The following DOCK7 variants were observed in gnomAD, a reference collection of about 807,000 sequenced individuals.
DOCK7 encodes the protein dedicator of cytokinesis protein 7.
In DOCK7, 138 loss-of-function variants were observed where a neutral mutation model predicts 271.0. The ratio of observed to expected loss-of-function variants is 0.51; its 90% CI spans 0.44 to 0.59. The LOEUF is 0.59. DOCK7 is among the 20% of genes least tolerant of loss of function. The pLI is 0.00. For missense variants in DOCK7, 2,066 were observed against 2,592.4 expected (o/e 0.80, Z 4.41); for synonymous variants, 823 against 876.1 (o/e 0.94, Z 1.07).
intron 2 of DOCK7, among the ~76,000 whole-genome samples, chr1:62,662,298 G>A (rs763417012): frequency 1.3e-5 from 2 of 151,998 alleles, no homozygotes; most frequent in Non-Finnish European, 2.9e-5. Flanking sequence ...TCTTTAATAA[G>A]AGAACATTTA....
intron 1 of DOCK7, among the ~76,000 whole-genome samples, chr1:62,680,491 G>A (rs1422580168): frequency 6.6e-6 from 1 of 151,474 alleles, no homozygotes; most frequent in Non-Finnish European, 1.5e-5. Context: ...AGGACTTCAT[G>A]TCTAAAACAC....
rs777176947 is a variant in DOCK7 at position 62,542,592 on chromosome 1, C to A, written c.3045+16G>T. ...AAGAGAAAAAATATTAAAGAACATG[C>A]TCAGTTTTTGCTCACCATTAATTCA... is the stretch of plus-strand genomic sequence containing the variant. On this transcript the variant is annotated intron_variant, in intron 25 of 49. Coordinates refer to ENST00000635253, the MANE Select transcript of DOCK7 (RefSeq NM_001367561.1). The A allele has an allele frequency of 1.3e-6, 2 of 1,597,528 alleles. No individual in the cohort carries two copies. The highest frequency in any genetic ancestry group is 3.5e-5 in the Admixed American group (2 of 56,862).
Position 62,688,250 on chromosome 1 carries a change from G to A in DOCK7, c.15C>T (p.Arg5=), listed in dbSNP as rs1209254800. 1.5e-6 allele frequency: 2 copies of A among 1,364,406 alleles called. No homozygotes were observed. 84.5% of individuals were successfully genotyped at this position (1,364,406 alleles called of 1,614,324 possible). A position where few individuals can be genotyped will look rare whatever the true frequency, so the allele number is the denominator to read the frequency against. The change falls in exon 1 of 50, where the codon CGC becomes CGT. Residue 5 remains arginine (R), a synonymous_variant. Coordinates refer to ENST00000635253, the MANE Select transcript of DOCK7 (RefSeq NM_001367561.1). The part of the protein sequence containing the change: MAER[R]AFAQKISRTV... Reference sequence around the variant, plus strand: ...ACCTGCTGATCTTCTGGGCGAAGGCGCGGCGCTCGGCCATGGCTGCTGCGG... The same window carrying A: ...ACCTGCTGATCTTCTGGGCGAAGGCACGGCGCTCGGCCATGGCTGCTGCGG...
rs754457072 is a variant in DOCK7, at chr1:62,475,742, T to C, written c.5926A>G (p.Ile1976Val). 6 of 1,614,028 alleles carry C rather than the reference T, an allele frequency of 3.7e-6. No individual in the cohort carries two copies. In the Admixed American group the frequency reaches 5.0e-5, roughly 13 times the overall value. The change falls in exon 46 of 50, where the codon ATT (isoleucine) becomes GTT (valine). Residue 1976 changes from isoleucine to valine, a missense_variant. This residue lies in a region of DOCK7 where 652 missense variants were observed against 922.1 expected (regional missense o/e 0.71). Transcript: ENST00000635253. Reference protein sequence around the residue: ...ILTTSHAFPYIKTRVNVTHKE... With the variant: ...ILTTSHAFPYVKTRVNVTHKE... ...TGAGTGACATTGACCCTTGTTTTAA[T>C]ATAAGGAAAGGCATGAGACGTAGTC...
intron 40 of DOCK7, 55 bp downstream of exon 40, chr1:62,494,220 G>C: frequency 6.9e-7 from 1 of 1,445,700 alleles, no homozygotes; most frequent in Non-Finnish European, 9.2e-7. Flanking sequence ...AGTGAGAAAA[G>C]CTAAAACCAA....
chr1:62,511,013 T>C (rs1644467613), intron 33 of DOCK7: 1 of 203,206 alleles, frequency 4.9e-6, no homozygotes, highest in African/African-American at 2.3e-5. Flanking sequence ...GCTTACCGCT[T>C]TCTGTTATCC....
chr1:62,534,656 T>A (rs1193794006), intron 29 of DOCK7, among the ~76,000 whole-genome samples: 1 of 152,004 alleles, frequency 6.6e-6, no homozygotes, highest in Non-Finnish European at 1.5e-5. Context: ...AAAAATCACA[T>A]CATCAGACAA....
At chr1:62,638,752 C>T (rs901608951) in intron 7 of DOCK7, among the ~76,000 whole-genome samples, 1 of 150,712 alleles carries the variant, frequency 6.6e-6, no homozygotes, top group Non-Finnish European at 1.5e-5. Flanking sequence ...GAAACACATA[C>T]ATAGACAAGA....
chr1:62,573,049 T>C (rs1006320958), intron 18 of DOCK7, among the ~76,000 whole-genome samples: 1 of 152,212 alleles, frequency 6.6e-6, no homozygotes, highest in Non-Finnish European at 1.5e-5. Flanking sequence ...GGCTATGTTG[T>C]TCAGTAAATA....
intron 31 of DOCK7, among the ~76,000 whole-genome samples, chr1:62,518,747 GCAA>G (rs1402547016): frequency 6.6e-6 from 1 of 150,490 alleles, no homozygotes; most frequent in African/African-American, 2.4e-5. Context: ...CTCAACAACA[GCAA>G]CAACAACAAG....
chr1:62,688,343 G>A lies in DOCK7; in HGVS notation c.-79C>T. The A allele has an allele frequency of 3.1e-6, 3 of 983,378 alleles. No homozygotes were observed. The highest frequency in any genetic ancestry group is 4.8e-5 in the South Asian group (1 of 20,892). The allele number at this position is 983,378 out of a possible 1,614,324, so 60.9% of individuals were successfully genotyped here. A position where few individuals can be genotyped will look rare whatever the true frequency, so the allele number is the denominator to read the frequency against. Reference sequence around the variant, plus strand: ...CCGGCGGGCGCGTGCCTCCTCGCTCGTGCTCCCTCCCTCGCGGCCTCCGCC... The same window carrying A: ...CCGGCGGGCGCGTGCCTCCTCGCTCATGCTCCCTCCCTCGCGGCCTCCGCC... On this transcript the variant is annotated 5_prime_UTR_variant, in exon 1 of 50. It adds an upstream start codon to the 5' untranslated region. Transcript: ENST00000635253.
rs572468619 is a variant in DOCK7 at position 62,583,403 on chromosome 1, A to G, written c.1801-149T>C. The G allele has an allele frequency of 9.9e-5, 58 of 587,540 alleles. 1 individual carries two copies. The highest frequency in any genetic ancestry group is 9.5e-4 in the African/African-American group (52 of 54,884). The allele number at this position is 587,540 out of a possible 1,614,324, so 36.4% of individuals were successfully genotyped here. On this transcript the variant is annotated intron_variant, in intron 15 of 49. Transcript: ENST00000635253. The stretch of plus-strand genomic sequence containing the variant: ...AACAATGTGCCTACTGACGTTCATC[A>G]AAAAGTTCAATTGCTTAACTATAAG...
chr1:62,496,276 T>A, intron 38 of DOCK7, 63 bp downstream of exon 38: 1 of 1,576,414 alleles, frequency 6.3e-7, no homozygotes, highest in Non-Finnish European at 8.6e-7. Flanking sequence ...GATTTAACAA[T>A]TTGGAAAGTG....
chr1:62,644,659 A>G (rs1294114776), intron 7 of DOCK7, among the ~76,000 whole-genome samples: 9 of 152,226 alleles, frequency 5.9e-5, no homozygotes, highest in Admixed American at 5.9e-4. Flanking sequence ...TAGTAGAAAT[A>G]ATGTTCTCAT....
chr1:62,682,065 G>C (rs141074429), intron 1 of DOCK7, among the ~76,000 whole-genome samples: 44 of 151,590 alleles, frequency 2.9e-4, no homozygotes, highest in Non-Finnish European at 5.3e-4. Flanking sequence ...AAAAACAGCA[G>C]AACAGTTACA....
In DOCK7 at chr1:62,488,974, T is replaced by C; in HGVS notation, c.5453A>G (p.His1818Arg). Residue 1818 changes from histidine (H) to arginine (R), a missense_variant, in exon 42 of 50, where the codon CAT (histidine) becomes CGT (arginine). Coordinates refer to ENST00000635253, the MANE Select transcript of DOCK7 (RefSeq NM_001367561.1). ...GCTGAATGCTTCTTGAAGTTTACCA[T>C]GAATTGTGGATAGTTTCTTTGCATC... Reference protein sequence around the residue: ...NRDAKKLSTIHGKLQEAFSKI... With the variant: ...NRDAKKLSTIRGKLQEAFSKI... 6.2e-7 allele frequency: 1 copy of C among 1,613,816 alleles called. No individual in the cohort carries two copies. Among genetic ancestry groups the C allele is most frequent in the Non-Finnish European group, 8.5e-7 (1 of 1,179,896 alleles).
intron 7 of DOCK7, chr1:62,641,565 A>G: frequency 2.1e-6 from 1 of 471,686 alleles, no homozygotes. Context: ...AAGGCCAGGT[A>G]CTTTAACTTG....
chr1:62,581,757 AAAG>A (rs1647130406), intron 16 of DOCK7, among the ~76,000 whole-genome samples: 1 of 152,162 alleles, frequency 6.6e-6, no homozygotes, highest in Non-Finnish European at 1.5e-5. Context: ...CAGAAAAAAA[AAAG>A]AAGTGTTCAA....
chr1:62,533,176 T>G (rs963826812), intron 29 of DOCK7, among the ~76,000 whole-genome samples: 3 of 152,106 alleles, frequency 2.0e-5, no homozygotes, highest in Non-Finnish European at 4.4e-5. Context: ...TTCTGCTCCT[T>G]AAAACCAAAA....
Sources: allele counts gnomAD v4.1 joint callset (sites outside exome capture counted in the v4.1 genomes callset), GRCh38; gene constraint gnomAD v4.1.1; regional missense constraint gnomAD v4.1.1; transcripts MANE v1.5; gene names NCBI Gene and HGNC (gene_info 2026-07-23, HGNC 2026-07-21).